The following EPHX2 variants were observed in gnomAD, a reference collection of about 807,000 sequenced individuals.
EPHX2 encodes bifunctional epoxide hydrolase 2.
EPHX2 carries 74 observed loss-of-function variants against 78.7 expected under a neutral mutation model. That is an observed-to-expected ratio of 0.94 (90% CI 0.78 to 1.14). EPHX2 has a LOEUF of 1.14. Among genes scored for constraint, EPHX2 ranks in the 50% most tolerant of loss-of-function variants. EPHX2 has a pLI of 0.00. For synonymous variants in EPHX2, 251 were observed against 255.2 expected (o/e 0.98, Z 0.16); for missense variants, 715 against 702.5 (o/e 1.02, Z -0.20).
intron 2 of EPHX2, among the ~76,000 whole-genome samples, chr8:27,502,432 T>A (rs1020257039): frequency 6.6e-6 from 1 of 152,160 alleles, no homozygotes; most frequent in Admixed American, 6.5e-5. Context: ...TATTAGTGAG[T>A]GTATTAGTTT....
intron 1 of EPHX2, among the ~76,000 whole-genome samples, chr8:27,494,283 C>G (rs146561474): frequency 6.6e-6 from 1 of 152,112 alleles, no homozygotes; most frequent in Middle Eastern, 3.2e-3. Flanking sequence ...AGATGGTATT[C>G]GGTATTCGTG....
At chr8:27,512,580 T>A (rs1814292672) in intron 6 of EPHX2, among the ~76,000 whole-genome samples, 1 of 152,238 alleles carries the variant, frequency 6.6e-6, no homozygotes, top group South Asian at 2.1e-4. Context: ...GACATCTAAC[T>A]TGGCTTGCTG....
intron 12 of EPHX2, among the ~76,000 whole-genome samples, chr8:27,525,674 C>T (rs562991865): frequency 4.6e-5 from 7 of 152,044 alleles, no homozygotes; most frequent in South Asian, 2.1e-4. Context: ...CGTGTGTGTT[C>T]GGGTGGTGAA....
At chr8:27,501,076 G>C in intron 2 of EPHX2, 66 bp downstream of exon 2, 1 of 1,417,808 alleles carries the variant, frequency 7.1e-7, no homozygotes, top group Non-Finnish European at 9.8e-7. Flanking sequence ...CCATCTCCCC[G>C]AACTTGGGGC....
intron 5 of EPHX2, among the ~76,000 whole-genome samples, chr8:27,507,576 C>T (rs1204372473): frequency 6.6e-6 from 1 of 152,286 alleles, no homozygotes; most frequent in East Asian, 1.9e-4. Flanking sequence ...GTGCAGCACC[C>T]TCATCCTGTG....
chr8:27,530,642 C>A lies in EPHX2; in HGVS notation c.1170+5169C>A, dbSNP rs77369126. ...ACAGGTAGACTATGGATTATGTAAT[C>A]CTCTGTGGAGGGACATTATTTTGAT... is the stretch of plus-strand genomic sequence containing the variant. On this transcript the variant is annotated intron_variant, in intron 12 of 18. Coordinates refer to ENST00000521400, the MANE Select transcript of EPHX2 (RefSeq NM_001979.6). 3.0e-3 allele frequency among the ~76,000 whole-genome samples: 463 copies of A among 152,058 alleles called. 2 individuals carry two copies. Among genetic ancestry groups the A allele is most frequent in the African/African-American group, 0.011 (447 of 41,470 alleles).
rs139248331 is a variant in EPHX2 at position 27,544,202 on chromosome 8, G to A, written c.1547G>A (p.Arg516Lys). ...HMEDWIPHLK[R>K]GHIEDCGHWT... is the part of the protein sequence containing the mutation. ...TCCTTTCAGATTCCCCACCTGAAAA[G>A]GGGACACATTGAGGACTGTGGGCAC... The change falls in exon 18 of 19, where the codon AGG becomes AAG. Residue 516 changes from arginine (R) to lysine (K), a missense_variant. Coordinates refer to ENST00000521400, the MANE Select transcript of EPHX2 (RefSeq NM_001979.6). 1 of 1,614,206 alleles carries A rather than the reference G, an allele frequency of 6.2e-7. No individual in the cohort carries two copies. Among genetic ancestry groups the A allele is most frequent in the South Asian group, 1.1e-5 (1 of 91,076 alleles).
chr8:27,524,212 C>T (rs1244313651), intron 11 of EPHX2, among the ~76,000 whole-genome samples: 1 of 152,204 alleles, frequency 6.6e-6, no homozygotes, highest in Non-Finnish European at 1.5e-5. Flanking sequence ...AGATTACAGG[C>T]ATGAGCCACT....
At chr8:27,508,070 G>A (rs565778376) in intron 5 of EPHX2, among the ~76,000 whole-genome samples, 2 of 152,298 alleles carry the variant, frequency 1.3e-5, no homozygotes, top group South Asian at 4.1e-4. Context: ...GGAGGCCAAG[G>A]TGGGCGGATC....
rs777891910 is a variant in EPHX2 at position 27,511,840 on chromosome 8, T to C, written c.665T>C (p.Leu222Pro). The C allele has an allele frequency of 2.3e-5, 37 of 1,614,054 alleles. No individual in the cohort carries two copies. The Admixed American group carries it at 5.7e-4, about 25-fold the overall frequency. ...ELEKVTGIQL[L>P]NTPAPLPTSC... Reference sequence around the variant, plus strand: ...CTATACCTTTCCTGCTTACAGCTTCTCAATACCCCGGCCCCTCTGCCGACC... The same window carrying C: ...CTATACCTTTCCTGCTTACAGCTTCCCAATACCCCGGCCCCTCTGCCGACC... The change falls in exon 6 of 19, where the codon CTC becomes CCC. Residue 222 changes from leucine (L) to proline (P), a missense_variant. By Grantham distance (98) the Leu-to-Pro change is moderately conservative. Transcript: ENST00000521400.
At chr8:27,536,753 G>C in intron 12 of EPHX2, 31 bp from the exon 13 acceptor site, 1 of 1,612,654 alleles carries the variant, frequency 6.2e-7, no homozygotes, top group Non-Finnish European at 8.5e-7. Flanking sequence ...TTTCTAGGGG[G>C]TCCTTCATTT....
At chr8:27,494,478 A>G (rs1045124286) in intron 1 of EPHX2, among the ~76,000 whole-genome samples, 7 of 152,202 alleles carry the variant, frequency 4.6e-5, no homozygotes, top group Non-Finnish European at 8.8e-5. Context: ...TAGGACTTTA[A>G]CCACTTCTTG....
At chr8:27,507,307 C>T (rs1009533421) in intron 5 of EPHX2, among the ~76,000 whole-genome samples, 15 of 152,166 alleles carry the variant, frequency 9.9e-5, no homozygotes, top group Non-Finnish European at 1.5e-4. Flanking sequence ...GTATGGAGAA[C>T]GTTTACCCTA....
intron 12 of EPHX2, among the ~76,000 whole-genome samples, chr8:27,533,798 C>A (rs1815122482): frequency 1.3e-5 from 2 of 152,160 alleles, no homozygotes; most frequent in Admixed American, 1.3e-4. Flanking sequence ...TACTGTTGTT[C>A]AGGCTGGTCT....
chr8:27,543,463 G>T (rs1815477003), intron 16 of EPHX2, among the ~76,000 whole-genome samples: 1 of 152,090 alleles, frequency 6.6e-6, no homozygotes. Flanking sequence ...TCATTCAAGG[G>T]TGTCTTCTGC....
In EPHX2 at chr8:27,544,592, C is replaced by A; in HGVS notation, c.*70C>A. 1 of 1,519,298 alleles carries A rather than the reference C, an allele frequency of 6.6e-7. No individual in the cohort carries two copies. The allele number at this position is 1,519,298 out of a possible 1,614,324, so 94.1% of individuals were successfully genotyped here. ...CTGCTGGGGCACCATTCTTAGTATA[C>A]AGAGGTGGCCTTACACACATCTTGC... On this transcript the variant is annotated 3_prime_UTR_variant, in exon 19 of 19. Transcript: ENST00000521400.
chr8:27,534,380 G>A (rs554441218), intron 12 of EPHX2, among the ~76,000 whole-genome samples: 1 of 152,328 alleles, frequency 6.6e-6, no homozygotes, highest in African/African-American at 2.4e-5. Context: ...ACTGGGCATG[G>A]TGGCTCATGC....
At chr8:27,519,132 C>T (rs1343324570) in intron 9 of EPHX2, among the ~76,000 whole-genome samples, 1 of 152,166 alleles carries the variant, frequency 6.6e-6, no homozygotes, top group African/African-American at 2.4e-5. Flanking sequence ...CCAAGAAAAT[C>T]GATGACATAG....
chr8:27,506,890 A>T lies in EPHX2; in HGVS notation c.556A>T (p.Ile186Phe). 6.2e-7 allele frequency: 1 copy of T among 1,614,126 alleles called. No individual in the cohort carries two copies. Reference sequence around the variant, plus strand: ...GGCTCAGGTCGTTTTTTTGGATGACATCGGGGCTAATCTGAAGCCAGCCCG... The same window carrying T: ...GGCTCAGGTCGTTTTTTTGGATGACTTCGGGGCTAATCTGAAGCCAGCCCG... ...SPSEVVFLDD[I>F]GANLKPARDL... Residue 186 changes from isoleucine (I) to phenylalanine (F), a missense_variant, in exon 5 of 19, where the codon ATC (isoleucine) becomes TTC (phenylalanine). Transcript: ENST00000521400.
Sources: gnomAD v4.1 joint callset for allele counts (sites outside exome capture counted in the v4.1 genomes callset) on GRCh38, gnomAD v4.1.1 for gene constraint, MANE v1.5 for transcripts, NCBI Gene and HGNC (gene_info 2026-07-23, HGNC 2026-07-21) for gene names.